The following MCF2 variants were observed in gnomAD, a reference collection of about 807,000 sequenced individuals.
MCF2 encodes proto-oncogene DBL.
A neutral mutation model predicts 82.5 loss-of-function variants in MCF2; 44 were observed. That is an observed-to-expected ratio of 0.53 (90% CI 0.42 to 0.69). The LOEUF is 0.69. Among genes scored for constraint, MCF2 ranks in the 30% least tolerant of loss-of-function variants. The probability of loss-of-function intolerance (pLI) is 0.00; values close to 1 mark genes in which losing one functional copy is unlikely to be tolerated. For synonymous variants in MCF2, 217 were observed against 224.9 expected (o/e 0.96, Z 0.32); for missense variants, 623 against 663.1 (o/e 0.94, Z 0.66).
intron 13 of MCF2, 123 bp downstream of exon 17, chrX:139,605,574 ATAAAAGAAATGCCCAC>A (rs1569352777): frequency 8.6e-6 from 4 of 463,069 alleles, no homozygotes; most frequent in Non-Finnish European, 1.5e-5. Context: ...GCATCAAACA[ATAAAAGAAATGCCCAC>A]TGCTGCCATA....
chrX:139,593,290 T>C (rs192362536), intron 19 of MCF2, among the ~76,000 whole-genome samples: 2 of 111,211 alleles, frequency 1.8e-5, no homozygotes, highest in African/African-American at 6.5e-5. Context: ...TTCTTCTTTA[T>C]TAGTCTTGCT....
At chrX:139,676,550 T>C (rs1438072849) in intron 1 of MCF2, among the ~76,000 whole-genome samples, 1 of 112,121 alleles carries the variant, frequency 8.9e-6, no homozygotes, top group Non-Finnish European at 1.9e-5. Context: ...AGAAACAGAT[T>C]GACTGGATTC....
upstream of MCF2, among the ~76,000 whole-genome samples, chrX:139,647,851 A>G (rs1272149148): frequency 8.9e-6 from 1 of 112,011 alleles, no homozygotes; most frequent in Non-Finnish European, 1.9e-5. Flanking sequence ...TAAGGTTCAC[A>G]TCTGCAGCCA....
intron 1 of MCF2, among the ~76,000 whole-genome samples, chrX:139,641,620 A>G (rs774688316): frequency 9.0e-6 from 1 of 111,462 alleles, no homozygotes; most frequent in South Asian, 3.7e-4. Flanking sequence ...GAGCAAGTTT[A>G]TATTTTAAAC....
At position 139,582,484 on chromosome X, in the gene MCF2, G is replaced by C. The variant is rs781266966; in HGVS notation, c.2765C>G (p.Ala922Gly). 5.1e-5 allele frequency: 61 copies of C among 1,206,043 alleles called. No homozygotes were observed. The highest frequency in any genetic ancestry group is 2.3e-4 in the Middle Eastern group (1 of 4,355). ...ATAGTAGCTTCATCAATATAGGAGA[G>C]CCATCTCCGACACAGGTCTCTACAA... Residue 922 changes from alanine (A) to glycine (G), a missense_variant, in exon 25 of 25, where the codon GCT (alanine) becomes GGT (glycine). Transcript: ENST00000370576.
intron 1 of MCF2, among the ~76,000 whole-genome samples, chrX:139,634,660 CAGG>C: frequency 8.9e-6 from 1 of 111,982 alleles, no homozygotes. Flanking sequence ...ATAATTCCCC[CAGG>C]AGGCCATGAC....
chrX:139,600,113 G>C (rs1027573112), intron 16 of MCF2, among the ~76,000 whole-genome samples: 7 of 111,367 alleles, frequency 6.3e-5, no homozygotes, highest in East Asian at 2.8e-4. Flanking sequence ...GTCCAGAATA[G>C]GCAAATCTAT....
At chrX:139,695,350 G>A (rs1042971063) in intron 1 of MCF2, among the ~76,000 whole-genome samples, 2 of 111,841 alleles carry the variant, frequency 1.8e-5, no homozygotes, top group Non-Finnish European at 3.8e-5. Context: ...ATTTCTTACA[G>A]CTGCTTATGA....
In MCF2 at chrX:139,582,513, A is replaced by G; in HGVS notation, c.2746-10T>C. 22 of 1,188,984 alleles carry G rather than the reference A, an allele frequency of 1.9e-5. No individual in the cohort carries two copies. The highest frequency in any genetic ancestry group is 2.5e-5 in the Non-Finnish European group (22 of 876,532). Reference sequence around the variant, plus strand: ...TCTCCGACACAGGTCTCTACAAGGGAAGCAGCACCCATTATTGCTCAGTTT... The same window carrying G: ...TCTCCGACACAGGTCTCTACAAGGGGAGCAGCACCCATTATTGCTCAGTTT... On this transcript the variant is annotated splice_polypyrimidine_tract_variant and intron_variant, in intron 24 of 24. Transcript: ENST00000370576.
chrX:139,669,072 A>T (rs1312295225), intron 1 of MCF2, among the ~76,000 whole-genome samples: 1 of 112,089 alleles, frequency 8.9e-6, no homozygotes, highest in Non-Finnish European at 1.9e-5. Flanking sequence ...TTTGTGCTTC[A>T]AAAGATACTA....
At position 139,664,223 on chromosome X, in the gene MCF2, G is replaced by A. The variant is rs185809243; in HGVS notation, c.-44-12435C>T. ...TTGCCATATTGGCCAGGGTGGTCTCGAACTCCTGACCTCAAGTAATCTGCC... is the reference window on the plus strand; with the variant it reads ...TTGCCATATTGGCCAGGGTGGTCTCAAACTCCTGACCTCAAGTAATCTGCC... On this transcript the variant is annotated intron_variant, in intron 1 of 27. Coordinates refer to the MCF2 transcript ENST00000414978. Among the ~76,000 whole-genome samples, 440 of 109,373 alleles carry A rather than the reference G, an allele frequency of 4.0e-3. 1 individual carries two copies. Among genetic ancestry groups the A allele is most frequent in the African/African-American group, 0.014 (415 of 29,964 alleles). 95.0% of individuals were successfully genotyped at this position (109,373 alleles called of 115,157 possible).
chrX:139,687,958 A>C (rs1210268852), intron 1 of MCF2, among the ~76,000 whole-genome samples: 1 of 112,085 alleles, frequency 8.9e-6, no homozygotes, highest in Non-Finnish European at 1.9e-5. Flanking sequence ...CAGTTCGAAC[A>C]AGCTTGATTA....
At chrX:139,590,075 C>T in intron 19 of MCF2, 148 bp from the exon 24 acceptor site, 1 of 409,942 alleles carries the variant, frequency 2.4e-6, no homozygotes. Flanking sequence ...ATAGTAATTA[C>T]AATCATAGAC....
intron 1 of MCF2, among the ~76,000 whole-genome samples, chrX:139,633,714 G>A (rs1291842579): frequency 1.8e-5 from 2 of 110,821 alleles, no homozygotes; most frequent in Non-Finnish European, 3.8e-5. Context: ...AGAACAACAT[G>A]GTCAAATTTG....
chrX:139,604,993 A>G lies in MCF2; in HGVS notation c.1558-9T>C. 2.1e-6 allele frequency: 2 copies of G among 971,252 alleles called. No homozygotes were observed. The highest frequency in any genetic ancestry group is 3.8e-5 in the African/African-American group (2 of 52,265). 80.0% of individuals were successfully genotyped at this position (971,252 alleles called of 1,213,427 possible). A position where few individuals can be genotyped will look rare whatever the true frequency, so the allele number is the denominator to read the frequency against. On this transcript the variant is annotated splice_polypyrimidine_tract_variant and intron_variant, in intron 13 of 24. Transcript: ENST00000370576. ...ATCTCCGCTCTATAACCCTACCCAAAATAAATACATTCATGCATTTTAAAA... is the reference window on the plus strand; with the variant it reads ...ATCTCCGCTCTATAACCCTACCCAAGATAAATACATTCATGCATTTTAAAA...
upstream of MCF2, among the ~76,000 whole-genome samples, chrX:139,643,291 C>T (rs752362513): frequency 8.9e-6 from 1 of 111,763 alleles, no homozygotes; most frequent in East Asian, 2.8e-4. Context: ...GATTATTTCA[C>T]AGACACTTGT....
intron 1 of MCF2, among the ~76,000 whole-genome samples, chrX:139,666,959 T>C (rs1031183775): frequency 2.7e-5 from 3 of 111,704 alleles, no homozygotes; most frequent in African/African-American, 9.8e-5. Flanking sequence ...CCTGTCTTCA[T>C]GTTCCATGAT....
chrX:139,610,461 T>TA, intron 10 of MCF2, 123 bp from the exon 15 acceptor site: 1 of 417,868 alleles, frequency 2.4e-6, no homozygotes, highest in Non-Finnish European at 4.0e-6. Context: ...ATTAGTATTT[T>TA]AAAATCACAC....
intron 1 of MCF2, among the ~76,000 whole-genome samples, chrX:139,659,513 A>G (rs1934298629): frequency 9.0e-6 from 1 of 111,079 alleles, no homozygotes; most frequent in Non-Finnish European, 1.9e-5. Flanking sequence ...TGTAACAGCA[A>G]TAATTCCAAC....
Sources: allele counts gnomAD v4.1 joint callset (sites outside exome capture counted in the v4.1 genomes callset), GRCh38; gene constraint gnomAD v4.1.1; transcripts MANE v1.5; gene names NCBI Gene and HGNC (gene_info 2026-07-23, HGNC 2026-07-21).